UBXN2A: variants seen among roughly 807,000 people sequenced by gnomAD.
The protein encoded by UBXN2A is UBX domain-containing protein 2A.
Under a neutral mutation model 28.4 loss-of-function variants are expected in UBXN2A, and 28 were observed. The ratio of observed to expected loss-of-function variants is 0.99; its 90% confidence interval spans 0.73 to 1.35. UBXN2A has a LOEUF of 1.35. Ranked by LOEUF, UBXN2A falls within the 40% of genes most tolerant of loss-of-function variation. The probability of loss-of-function intolerance (pLI) is 0.00; values close to 1 mark genes in which losing one functional copy is unlikely to be tolerated. For missense variants in UBXN2A, 253 were observed against 297.9 expected, an observed-to-expected ratio of 0.85 and a Z score of 1.11; for synonymous variants, 97 against 103.6, an observed-to-expected ratio of 0.94 and a Z score of 0.39.
intron 4 of UBXN2A, among the ~76,000 whole-genome samples, chr2:23,981,412 C>T (rs1707893439): frequency 7.7e-6 from 1 of 129,972 alleles, no homozygotes; most frequent in Non-Finnish European, 1.6e-5. Context: ...CAAGAGGTCG[C>T]AGCTGCAGTG....
In UBXN2A at chr2:23,946,147, G is replaced by GTTTA. The variant is rs563332016; in HGVS notation, c.-15+5519_-15+5522dup. Among the ~76,000 whole-genome samples the GTTTA allele has an allele frequency of 5.0e-4, 76 of 151,796 alleles. 1 individual carries two copies. The East Asian group carries it at 6.2e-3, about 12-fold the overall frequency. On this transcript the variant is annotated intron_variant, in intron 1 of 6. Transcript: ENST00000309033. ...GTGTCCAGCCACATTTAATTCTTTT[G>GTTTA]TTTATTTATTTATTTATTTATTTTT...
chr2:23,944,557 G>A (rs531283605), intron 1 of UBXN2A, among the ~76,000 whole-genome samples: 1 of 152,284 alleles, frequency 6.6e-6, no homozygotes, highest in South Asian at 2.1e-4. Flanking sequence ...TAAAGATGGG[G>A]TGGCTGCAAA....
chr2:23,998,734 G>T (rs773179948), intron 6 of UBXN2A, among the ~76,000 whole-genome samples: 2 of 151,924 alleles, frequency 1.3e-5, no homozygotes, highest in African/African-American at 2.4e-5. Flanking sequence ...AAAAAGAAAA[G>T]AATCTTTTTT....
intron 1 of UBXN2A, among the ~76,000 whole-genome samples, chr2:23,944,630 A>G (rs1375063040): frequency 2.0e-5 from 3 of 151,914 alleles, no homozygotes; most frequent in African/African-American, 7.3e-5. Context: ...TTCTCTCTCC[A>G]TATTGGGCTT....
rs1432654243 is a variant in UBXN2A, at chr2:24,003,601, T to C, written c.*3734T>C. 1 of 152,074 alleles carries C rather than the reference T, an allele frequency of 6.6e-6. No individual in the cohort carries two copies. Among genetic ancestry groups the C allele is most frequent in the Non-Finnish European group, 1.5e-5 (1 of 68,018 alleles). The allele number at this position is 152,074 out of a possible 1,614,324, so 9.4% of individuals were successfully genotyped here. A position where few individuals can be genotyped will look rare whatever the true frequency, so the allele number is the denominator to read the frequency against. ...GAGAGGGAGGACAAAGGAGAGCCTT[T>C]TCTTTTGTCCATTACTCTTAGAAAT... On this transcript the variant is annotated 3_prime_UTR_variant, in exon 7 of 7. Transcript: ENST00000309033.
At chr2:23,958,753 T>C (rs146537421) in intron 2 of UBXN2A, among the ~76,000 whole-genome samples, 1 of 152,304 alleles carries the variant, frequency 6.6e-6, no homozygotes, top group African/African-American at 2.4e-5. Context: ...TTGGGCAGCT[T>C]AGGTAAATTC....
chr2:23,984,558 CTT>C, intron 5 of UBXN2A, 113 bp from the exon 6 acceptor site: 1 of 896,826 alleles, frequency 1.1e-6, no homozygotes, highest in Non-Finnish European at 1.5e-6. Flanking sequence ...ACACATATAA[CTT>C]AAAAAATCTT....
intron 3 of UBXN2A, among the ~76,000 whole-genome samples, chr2:23,974,995 G>C (rs1573581161): frequency 6.6e-6 from 1 of 150,604 alleles, no homozygotes; most frequent in Non-Finnish European, 1.5e-5. Flanking sequence ...AAAAAGAAAA[G>C]AAAAAGAAAG....
At chr2:23,983,542 T>C (rs1389341397) in intron 5 of UBXN2A, among the ~76,000 whole-genome samples, 1 of 152,058 alleles carries the variant, frequency 6.6e-6, no homozygotes, top group Admixed American at 6.6e-5. Context: ...CAGTAAAAAA[T>C]CATGCAGGCT....
chr2:23,937,471 TC>T (rs1705564212), upstream of UBXN2A, among the ~76,000 whole-genome samples: 1 of 152,210 alleles, frequency 6.6e-6, no homozygotes, highest in Middle Eastern at 3.4e-3. Flanking sequence ...GATTACTTGA[TC>T]CCAGGAGTTC....
intron 1 of UBXN2A, among the ~76,000 whole-genome samples, chr2:23,951,456 A>G (rs947983053): frequency 1.4e-5 from 1 of 71,774 alleles, no homozygotes; most frequent in Non-Finnish European, 2.9e-5. Context: ...ATATATATAT[A>G]TATATATAGT....
At chr2:23,978,418 C>G (rs1301181528) in intron 4 of UBXN2A, among the ~76,000 whole-genome samples, 2 of 150,914 alleles carry the variant, frequency 1.3e-5, no homozygotes, top group Admixed American at 1.3e-4. Context: ...CCGAGGCGTG[C>G]AGATCACGAG....
intron 3 of UBXN2A, among the ~76,000 whole-genome samples, chr2:23,976,756 T>A (rs1707680902): frequency 6.6e-6 from 1 of 152,100 alleles, no homozygotes; most frequent in Non-Finnish European, 1.5e-5. Flanking sequence ...ATGATTTTGA[T>A]TTTTTGTGGA....
chr2:23,976,056 G>A (rs1016590774), intron 3 of UBXN2A, among the ~76,000 whole-genome samples: 14 of 152,090 alleles, frequency 9.2e-5, no homozygotes, highest in African/African-American at 2.9e-4. Flanking sequence ...TATTCACTTC[G>A]TATTATACAT....
intron 1 of UBXN2A, among the ~76,000 whole-genome samples, chr2:23,948,387 G>A (rs1407544982): frequency 1.3e-5 from 2 of 150,556 alleles, no homozygotes; most frequent in Admixed American, 6.6e-5. Context: ...CAAGTAGCTG[G>A]GATTACAGGC....
At chr2:23,960,979 T>C (rs535934285) in intron 2 of UBXN2A, among the ~76,000 whole-genome samples, 115 of 152,118 alleles carry the variant, frequency 7.6e-4, no homozygotes, top group African/African-American at 2.7e-3. Context: ...GGACATTTCA[T>C]ATAAATGCAG....
chr2:23,976,866 C>T (rs1419579078), intron 3 of UBXN2A, 103 bp from the exon 4 acceptor site: 4 of 907,398 alleles, frequency 4.4e-6, no homozygotes, highest in African/African-American at 1.7e-5. Context: ...CAGGAGTGAA[C>T]CACCCCACCC....
At chr2:23,979,548 C>T (rs1375091646) in intron 4 of UBXN2A, among the ~76,000 whole-genome samples, 2 of 151,898 alleles carry the variant, frequency 1.3e-5, no homozygotes, top group Non-Finnish European at 1.5e-5. Context: ...AACAGTGCCC[C>T]GTAATTTTTA....
At chr2:23,974,364 G>C (rs1367251942) in intron 3 of UBXN2A, among the ~76,000 whole-genome samples, 1 of 136,232 alleles carries the variant, frequency 7.3e-6, no homozygotes, top group Non-Finnish European at 1.6e-5. Flanking sequence ...TTTTTATTTT[G>C]AGACGGACTC....
Sources: gnomAD v4.1 joint callset for allele counts (sites outside exome capture counted in the v4.1 genomes callset) on GRCh38, gnomAD v4.1.1 for gene constraint, MANE v1.5 for transcripts, NCBI Gene and HGNC (gene_info 2026-07-23, HGNC 2026-07-21) for gene names.